CSMD1: variants seen among roughly 807,000 people sequenced by gnomAD.
The protein encoded by CSMD1 is CUB and Sushi multiple domains 1, also known as CUB and sushi domain-containing protein 1.
CSMD1 carries 213 observed loss-of-function variants against 417.5 expected under a neutral mutation model. That is an observed-to-expected ratio of 0.51 (90% confidence interval 0.46 to 0.57). CSMD1 has a LOEUF of 0.57. Among genes scored for constraint, CSMD1 ranks in the 20% least tolerant of loss-of-function variants. CSMD1 has a pLI of 0.00. For synonymous variants in CSMD1, 2,862 were observed against 1,736.8 expected, an observed-to-expected ratio of 1.65 and a Z score of -16.11; for missense variants, 6,923 against 4,529.7, an observed-to-expected ratio of 1.53 and a Z score of -15.17.
intron 10 of CSMD1, among the ~76,000 whole-genome samples, chr8:3,558,101 ATGATGAATGGTGCCT>A (rs1563151593): frequency 1.3e-5 from 2 of 149,860 alleles, no homozygotes; most frequent in African/African-American, 4.9e-5. Context: ...GACTCCTCCA[ATGATGAATGGTGCCT>A]CAATGGTACC....
intron 2 of CSMD1, among the ~76,000 whole-genome samples, chr8:4,458,522 G>C (rs1351340411): frequency 6.6e-6 from 1 of 152,022 alleles, no homozygotes; most frequent in Non-Finnish European, 1.5e-5. Flanking sequence ...TGTATAGTGT[G>C]AAAGAGGTAT....
intron 5 of CSMD1, among the ~76,000 whole-genome samples, chr8:3,848,820 A>C (rs1427686710): frequency 1.3e-5 from 2 of 152,088 alleles, no homozygotes; most frequent in Non-Finnish European, 2.9e-5. Flanking sequence ...TTAAAGAAAA[A>C]GTGGTACTTT....
intron 3 of CSMD1, among the ~76,000 whole-genome samples, chr8:4,083,015 T>A (rs1196500712): frequency 6.6e-6 from 1 of 152,046 alleles, no homozygotes; most frequent in Non-Finnish European, 1.5e-5. Context: ...AGTCTATCAT[T>A]GTTGGACATT....
At chr8:3,479,631 A>C (rs1362707146) in intron 11 of CSMD1, among the ~76,000 whole-genome samples, 1 of 152,204 alleles carries the variant, frequency 6.6e-6, no homozygotes, top group Admixed American at 6.5e-5. Context: ...GCAAAAAACC[A>C]CAGTTGCTTT....
intron 3 of CSMD1, among the ~76,000 whole-genome samples, chr8:4,234,687 G>C (rs73186145): frequency 0.038 from 5,839 of 152,240 alleles, 129 homozygotes; most frequent in East Asian, 0.087. Flanking sequence ...ACTTGTTAAT[G>C]AATGAATGGT....
At chr8:4,203,036 G>C (rs138745484) in intron 3 of CSMD1, among the ~76,000 whole-genome samples, 6 of 152,192 alleles carry the variant, frequency 3.9e-5, no homozygotes, top group Non-Finnish European at 5.9e-5. Flanking sequence ...TACCTGCTGA[G>C]AGGATTTGAC....
At chr8:4,648,554 G>C (rs1803682076) in intron 1 of CSMD1, among the ~76,000 whole-genome samples, 1 of 152,080 alleles carries the variant, frequency 6.6e-6, no homozygotes, top group Admixed American at 6.6e-5. Context: ...ACTTATATTT[G>C]GGTTTAGTGT....
chr8:4,692,509 A>C (rs1484118008), intron 1 of CSMD1, among the ~76,000 whole-genome samples: 1 of 152,100 alleles, frequency 6.6e-6, no homozygotes, highest in African/African-American at 2.4e-5. Flanking sequence ...AAAATATCTA[A>C]GACATAATGT....
intron 52 of CSMD1, among the ~76,000 whole-genome samples, chr8:3,000,880 G>C (rs1299461493): frequency 6.6e-6 from 1 of 152,168 alleles, no homozygotes; most frequent in African/African-American, 2.4e-5. Flanking sequence ...TGTCCATGTA[G>C]ATAGTAAAAC....
chr8:3,286,358 G>C (rs992952503), intron 25 of CSMD1, among the ~76,000 whole-genome samples: 1 of 151,982 alleles, frequency 6.6e-6, no homozygotes, highest in Non-Finnish European at 1.5e-5. Context: ...GGGATGGCTG[G>C]GTCAAATGGT....
At chr8:3,308,732 G>GTGTTTTT (rs1805090018) in intron 23 of CSMD1, among the ~76,000 whole-genome samples, 1 of 108,930 alleles carries the variant, frequency 9.2e-6, no homozygotes, top group African/African-American at 3.6e-5. Flanking sequence ...CTACTTACAA[G>GTGTTTTT]TTTTTTTTTT....
chr8:4,239,916 G>A (rs1356659669), intron 3 of CSMD1, among the ~76,000 whole-genome samples: 1 of 152,172 alleles, frequency 6.6e-6, no homozygotes, highest in African/African-American at 2.4e-5. Context: ...GTAAAATAGA[G>A]TTGAATTAGT....
At chr8:4,226,626 T>TA (rs1254946950) in intron 3 of CSMD1, among the ~76,000 whole-genome samples, 1 of 152,198 alleles carries the variant, frequency 6.6e-6, no homozygotes, top group Admixed American at 6.5e-5. Flanking sequence ...TAACATCAAT[T>TA]ACTTCATTAA....
intron 5 of CSMD1, among the ~76,000 whole-genome samples, chr8:3,904,218 A>G (rs1193164093): frequency 1.3e-5 from 2 of 152,184 alleles, no homozygotes; most frequent in Admixed American, 1.3e-4. Context: ...TAACTTATGG[A>G]TATCAGGAGC....
chr8:4,421,320 C>A (rs148418485), intron 2 of CSMD1, among the ~76,000 whole-genome samples: 2 of 152,224 alleles, frequency 1.3e-5, no homozygotes, highest in East Asian at 1.9e-4. Context: ...ACTCATCAAC[C>A]CTATATAACA....
At chr8:4,764,872 C>CAAAAAAAAAAAAAAAAAAAA (rs1194894751) in intron 1 of CSMD1, among the ~76,000 whole-genome samples, 7 of 50,926 alleles carry the variant, frequency 1.4e-4, no homozygotes, top group Admixed American at 2.6e-4. Flanking sequence ...GACTCCATCT[C>CAAAAAAAAAAAAAAAAAAAA]AAAAAAAAAA....
intron 3 of CSMD1, among the ~76,000 whole-genome samples, chr8:4,047,737 T>A (rs1167922438): frequency 6.6e-6 from 1 of 151,756 alleles, no homozygotes; most frequent in African/African-American, 2.4e-5. Flanking sequence ...TGGAGAAAAA[T>A]AAATCAAGAG....
At chr8:3,560,075 T>C (rs1799404679) in intron 10 of CSMD1, among the ~76,000 whole-genome samples, 1 of 152,064 alleles carries the variant, frequency 6.6e-6, no homozygotes, top group African/African-American at 2.4e-5. Flanking sequence ...CTGGATCTGT[T>C]CACTAGAAAA....
intron 12 of CSMD1, among the ~76,000 whole-genome samples, 162 bp downstream of exon 12, chr8:3,468,550 G>C (rs117711870): frequency 6.6e-6 from 1 of 152,064 alleles, no homozygotes; most frequent in Non-Finnish European, 1.5e-5. Context: ...TCTCATTCAC[G>C]AAAGCGAGTG....
Sources: gnomAD v4.1 joint callset for allele counts (sites outside exome capture counted in the v4.1 genomes callset) on GRCh38, gnomAD v4.1.1 for gene constraint, MANE v1.5 for transcripts, NCBI Gene and HGNC (gene_info 2026-07-23, HGNC 2026-07-21) for gene names.